The following POU6F2 variants were observed in gnomAD, a reference collection of about 807,000 sequenced individuals.
POU6F2 encodes the protein POU domain, class 6, transcription factor 2.
POU6F2 carries 31 observed loss-of-function variants against 71.3 expected under a neutral mutation model. The observed-to-expected ratio is 0.43, with a 90% confidence interval of 0.33 to 0.59. The LOEUF is 0.59. Among genes scored for constraint, POU6F2 ranks in the 20% least tolerant of loss-of-function variants. The pLI, the probability that POU6F2 is intolerant of heterozygous loss-of-function variation, is 0.04. For missense variants in POU6F2, 783 were observed against 856.8 expected, an observed-to-expected ratio of 0.91 and a Z score of 1.07; for synonymous variants, 347 against 355.7, an observed-to-expected ratio of 0.98 and a Z score of 0.27.
At chr7:38,986,446 T>G (rs859518) in intron 1 of POU6F2, among the ~76,000 whole-genome samples, 28,347 of 152,078 alleles carry the variant, frequency 0.19, 2,852 homozygotes, top group Middle Eastern at 0.26. Context: ...CTCTTTGGTT[T>G]GCAATGTACT....
chr7:39,339,664 G>T lies in POU6F2; in HGVS notation c.621G>T (p.Gln207His). ...TAGCTACCTCATCCCTGAACTCCCA[G>T]CTCCAGCAGCTCCAGCTCCAGCTCC... is the stretch of plus-strand genomic sequence containing the variant. Reference protein sequence around the residue: ...NLQATSSLNSQLQQLQLQLQQ... With the variant: ...NLQATSSLNSHLQQLQLQLQQ... The change falls in exon 5 of 10, where the codon CAG (glutamine) becomes CAT (histidine). Residue 207 changes from glutamine (Q) to histidine (H), a missense_variant. Gln to His is a conservative substitution (Grantham distance 24). This residue lies in a region of POU6F2 where 572 missense variants were observed against 572.9 expected (regional missense o/e 1.00). Transcript: ENST00000518318. The T allele has an allele frequency of 1.3e-6, 2 of 1,597,890 alleles. No individual in the cohort carries two copies. Among genetic ancestry groups the T allele is most frequent in the Non-Finnish European group, 8.5e-7 (1 of 1,176,816 alleles).
intron 2 of POU6F2, among the ~76,000 whole-genome samples, chr7:39,102,174 T>C (rs1355076819): frequency 6.6e-6 from 1 of 152,212 alleles, no homozygotes; most frequent in African/African-American, 2.4e-5. Context: ...TGACGTGCTG[T>C]CTAAGTCGCT....
chr7:39,274,284 A>C (rs1176522302), intron 4 of POU6F2, among the ~76,000 whole-genome samples: 1 of 152,238 alleles, frequency 6.6e-6, no homozygotes, highest in East Asian at 1.9e-4. Flanking sequence ...CTATGCAAAT[A>C]AATTAGAAAA....
rs189359132 is a variant in POU6F2, at chr7:39,112,123, T to A, written c.277+26092T>A. On this transcript the variant is annotated intron_variant, in intron 2 of 9. Coordinates refer to ENST00000518318, the MANE Select transcript of POU6F2 (RefSeq NM_001370959.1). Reference sequence around the variant, plus strand: ...CCTTCCAGTTCTATAGTTCTGTAAGTACCTGACTTCTCACCTGTGTATTAA... The same window carrying A: ...CCTTCCAGTTCTATAGTTCTGTAAGAACCTGACTTCTCACCTGTGTATTAA... 2.6e-5 allele frequency among the ~76,000 whole-genome samples: 4 copies of A among 152,330 alleles called. No homozygotes were observed. In the East Asian group the frequency reaches 7.7e-4, roughly 29 times the overall value.
At chr7:39,410,112 C>T (rs890706915) in intron 6 of POU6F2, among the ~76,000 whole-genome samples, 1 of 152,144 alleles carries the variant, frequency 6.6e-6, no homozygotes, top group Admixed American at 6.5e-5. Context: ...CTGTGGGAGG[C>T]CAAGGCAGGT....
chr7:39,362,711 T>C (rs1255877233), intron 5 of POU6F2, among the ~76,000 whole-genome samples: 2 of 152,116 alleles, frequency 1.3e-5, no homozygotes, highest in African/African-American at 2.4e-5. Context: ...TATCAAACAC[T>C]GATAACTTAC....
intron 4 of POU6F2, among the ~76,000 whole-genome samples, chr7:39,249,999 GC>G (rs1420493396): frequency 6.6e-6 from 1 of 152,174 alleles, no homozygotes; most frequent in Non-Finnish European, 1.5e-5. Flanking sequence ...CAATCTGCAG[GC>G]ATTAAAGCGT....
chr7:39,036,961 G>A (rs947473695), intron 1 of POU6F2, among the ~76,000 whole-genome samples: 3 of 151,550 alleles, frequency 2.0e-5, no homozygotes, highest in African/African-American at 4.9e-5. Flanking sequence ...GGTAAATTTC[G>A]TGTCATGGGG....
intron 4 of POU6F2, among the ~76,000 whole-genome samples, chr7:39,252,297 G>A (rs1420531455): frequency 6.6e-6 from 1 of 151,678 alleles, no homozygotes; most frequent in Non-Finnish European, 1.5e-5. Flanking sequence ...CCCCGAAGAT[G>A]TTGGGATAAT....
chr7:39,136,486 G>A (rs1792391412), intron 2 of POU6F2, among the ~76,000 whole-genome samples: 1 of 152,096 alleles, frequency 6.6e-6, no homozygotes, highest in Non-Finnish European at 1.5e-5. Context: ...AACGTCCTGG[G>A]GTAGAAAACA....
intron 1 of POU6F2, among the ~76,000 whole-genome samples, chr7:39,070,090 A>G (rs1207009381): frequency 1.3e-5 from 2 of 152,172 alleles, no homozygotes; most frequent in East Asian, 3.9e-4. Context: ...AATCCAATTA[A>G]GCCTGACAGG....
At chr7:39,307,678 T>C (rs946271781) in intron 4 of POU6F2, among the ~76,000 whole-genome samples, 1 of 152,210 alleles carries the variant, frequency 6.6e-6, no homozygotes, top group African/African-American at 2.4e-5. Context: ...ACTTTCATTA[T>C]AAAAGTTACA....
At chr7:39,391,495 G>A (rs1286160500) in intron 5 of POU6F2, among the ~76,000 whole-genome samples, 1 of 152,038 alleles carries the variant, frequency 6.6e-6, no homozygotes, top group Non-Finnish European at 1.5e-5. Flanking sequence ...TAAGAACTCA[G>A]TAGTGTACAT....
At chr7:39,299,862 G>A (rs1784921801) in intron 4 of POU6F2, among the ~76,000 whole-genome samples, 1 of 152,148 alleles carries the variant, frequency 6.6e-6, no homozygotes, top group African/African-American at 2.4e-5. Flanking sequence ...AACTTAGCAC[G>A]CTGGCATGTG....
intron 5 of POU6F2, among the ~76,000 whole-genome samples, chr7:39,382,515 C>T (rs1176121792): frequency 6.6e-6 from 1 of 152,200 alleles, no homozygotes; most frequent in Non-Finnish European, 1.5e-5. Flanking sequence ...GGAAAAGAGA[C>T]AGAGTGCTGG....
intron 1 of POU6F2, among the ~76,000 whole-genome samples, chr7:39,007,795 C>T (rs935526622): frequency 1.0e-3 from 156 of 151,192 alleles, no homozygotes; most frequent in Non-Finnish European, 1.7e-3. Flanking sequence ...TTTGTTCTTG[C>T]GATAGTTTAC....
intron 4 of POU6F2, among the ~76,000 whole-genome samples, chr7:39,329,935 T>A: frequency 6.6e-6 from 1 of 152,238 alleles, no homozygotes; most frequent in East Asian, 1.9e-4. Context: ...TTTGCTGTTA[T>A]AATATAAAAT....
In POU6F2 at chr7:39,433,123, A is replaced by G; in HGVS notation, c.1160A>G (p.Gln387Arg). The G allele has an allele frequency of 6.2e-7, 1 of 1,613,580 alleles. No individual in the cohort carries two copies. Among genetic ancestry groups the G allele is most frequent in the Non-Finnish European group, 8.5e-7 (1 of 1,179,720 alleles). Residue 387 changes from glutamine to arginine, a missense_variant, in exon 7 of 10, where the codon CAA becomes CGA. This residue lies in a region of POU6F2 where 572 missense variants were observed against 572.9 expected (regional missense o/e 1.00). Transcript: ENST00000518318. Reference protein sequence around the residue: ...PLMPNPGPSSQAASGTQGLQV... With the variant: ...PLMPNPGPSSRAASGTQGLQV... Reference sequence around the variant, plus strand: ...ATGCCTAATCCAGGGCCATCGAGCCAAGCAGCAAGCGGCACTCAGGGCTTG... The same window carrying G: ...ATGCCTAATCCAGGGCCATCGAGCCGAGCAGCAAGCGGCACTCAGGGCTTG...
intron 1 of POU6F2, among the ~76,000 whole-genome samples, chr7:38,989,308 T>C (rs559740693): frequency 1.4e-4 from 21 of 152,250 alleles, no homozygotes; most frequent in African/African-American, 3.4e-4. Context: ...TACAGAGATG[T>C]ATAAATTCTC....
Sources: gnomAD v4.1 joint callset for allele counts (sites outside exome capture counted in the v4.1 genomes callset) on GRCh38, gnomAD v4.1.1 for gene constraint, gnomAD v4.1.1 regional missense constraint, MANE v1.5 for transcripts, NCBI Gene and HGNC (gene_info 2026-07-23, HGNC 2026-07-21) for gene names.